The following SV2B variants were observed in gnomAD, a reference collection of about 807,000 sequenced individuals.
SV2B encodes synaptic vesicle glycoprotein 2B.
Under a neutral mutation model 73.9 loss-of-function variants are expected in SV2B, and 41 were observed. That is an observed-to-expected ratio of 0.56 (90% CI 0.43 to 0.72). The LOEUF (loss-of-function observed/expected upper bound fraction) is 0.72, where lower values mean the gene tolerates loss of function less well. Among genes scored for constraint, SV2B ranks in the 30% least tolerant of loss-of-function variants. The pLI is 0.00. For missense variants in SV2B, 764 were observed against 857.8 expected, an observed-to-expected ratio of 0.89 and a Z score of 1.37; for synonymous variants, 314 against 314.2, an observed-to-expected ratio of 1.00 and a Z score of 0.01.
intron 9 of SV2B, among the ~76,000 whole-genome samples, chr15:91,278,287 G>A (rs899851813): frequency 3.3e-5 from 5 of 152,056 alleles, no homozygotes; most frequent in African/African-American, 1.2e-4. Flanking sequence ...GAGAGGAGAA[G>A]AAAATTGTTT....
rs2049223763 is a variant in SV2B at position 91,296,365 on chromosome 15, GGTTT to G, written c.*3818_*3821del. 1 of 152,258 alleles carries G rather than the reference GGTTT, an allele frequency of 6.6e-6. No individual in the cohort carries two copies. The highest frequency in any genetic ancestry group is 1.9e-4 in the East Asian group (1 of 5,196). 9.4% of individuals were successfully genotyped at this position (152,258 alleles called of 1,614,324 possible). A position where few individuals can be genotyped will look rare whatever the true frequency, so the allele number is the denominator to read the frequency against. ...TATAATAAGTTTATAGTAAGTTAAA[GGTTT>G]GTTTTACTCTCATGTGAAGGGAATC... On this transcript the variant is annotated 3_prime_UTR_variant, in exon 13 of 13. Coordinates refer to ENST00000394232, the MANE Select transcript of SV2B (RefSeq NM_001323032.3).
rs2046391022 is a variant in SV2B at position 91,226,611 on chromosome 15, T to C, written c.348T>C (p.Gly116=). Residue 116 remains glycine, a synonymous_variant, in exon 2 of 13, where the codon GGT becomes GGC. Coordinates refer to ENST00000394232, the MANE Select transcript of SV2B (RefSeq NM_001323032.3). ...AGTGGATCCTCTTTTTCGTCTTGGGTTTGGCCCTGATGGCCGATGGGGTGG... is the reference window on the plus strand; with the variant it reads ...AGTGGATCCTCTTTTTCGTCTTGGGCTTGGCCCTGATGGCCGATGGGGTGG... ...RFQWILFFVL[G]LALMADGVEV... 6.2e-7 allele frequency: 1 copy of C among 1,614,054 alleles called. No homozygotes were observed. The highest frequency in any genetic ancestry group is 1.3e-5 in the African/African-American group (1 of 74,930).
chr15:91,246,065 C>CAAA (rs5814471), intron 2 of SV2B, among the ~76,000 whole-genome samples: 1 of 127,702 alleles, frequency 7.8e-6, no homozygotes, highest in Non-Finnish European at 1.7e-5. Context: ...TATGAGTTAG[C>CAAA]AAAAAAAAAA....
rs1445544495 is a variant in SV2B at position 91,251,849 on chromosome 15, G to T, written c.482G>T (p.Gly161Val). The T allele has an allele frequency of 6.2e-7, 1 of 1,614,138 alleles. No homozygotes were observed. The highest frequency in any genetic ancestry group is 1.7e-5 in the Admixed American group (1 of 60,026). Residue 161 changes from glycine (G) to valine (V), a missense_variant, in exon 3 of 13, where the codon GGC (glycine) becomes GTC (valine). Physicochemically the swap from Gly to Val is moderately radical, Grantham distance 109. Transcript: ENST00000394232. ...ATAGTCTACTTGGGAATGATGGCGG[G>T]CGCCTTCATCCTGGGAGGCCTGGCT... ...GMIVYLGMMAGAFILGGLADK... is the reference protein window; with the variant it reads ...GMIVYLGMMAVAFILGGLADK...
intron 1 of SV2B, among the ~76,000 whole-genome samples, chr15:91,119,533 A>G (rs1226741298): frequency 6.6e-6 from 1 of 152,222 alleles, no homozygotes; most frequent in East Asian, 1.9e-4. Context: ...GTGAATATTC[A>G]AGTTTCCAGC....
rs1265488609 is a variant in SV2B, at chr15:91,284,245, C to T, written c.1708+24C>T. 1 of 1,613,352 alleles carries T rather than the reference C, an allele frequency of 6.2e-7. No homozygotes were observed. On this transcript the variant is annotated intron_variant, in intron 11 of 12. Transcript: ENST00000394232. The surrounding 1 kb of genome is among the most constrained non-coding windows in gnomAD (Gnocchi z 4.5). Reference sequence around the variant, plus strand: ...TGGTGAGTTGCCAGCAGGGTCATTCCTGGGTTCCAACGCGCTGGGGTGGTG... The same window carrying T: ...TGGTGAGTTGCCAGCAGGGTCATTCTTGGGTTCCAACGCGCTGGGGTGGTG...
intron 12 of SV2B, among the ~76,000 whole-genome samples, chr15:91,291,275 G>C (rs192422077): frequency 5.4e-4 from 81 of 151,028 alleles, no homozygotes; most frequent in African/African-American, 1.9e-3. Flanking sequence ...ATTTAAAAAA[G>C]GACATATGTT....
Position 91,141,490 on chromosome 15 carries a change from C to A in SV2B, c.-392+41127C>A, listed in dbSNP as rs963322551. Among the ~76,000 whole-genome samples, 1 of 152,158 alleles carries A rather than the reference C, an allele frequency of 6.6e-6. No individual in the cohort carries two copies. Among genetic ancestry groups the A allele is most frequent in the Non-Finnish European group, 1.5e-5 (1 of 68,024 alleles). ...TGGAGAGAGGTTCCGCTTTGAGGGC[C>A]AGCTCTGCCACTTACCATCTGTGAG... On this transcript the variant is annotated intron_variant, in intron 1 of 12. Transcript: ENST00000394232. This position sits in a 1 kb window ranked among gnomAD's most constrained non-coding sequence, Gnocchi z 4.6.
rs747582638 is a variant in SV2B, at chr15:91,136,434, G to A, written c.-392+36071G>A. Among the ~76,000 whole-genome samples the A allele has an allele frequency of 3.3e-5, 5 of 152,172 alleles. No individual in the cohort carries two copies. Among genetic ancestry groups the A allele is most frequent in the African/African-American group, 9.7e-5 (4 of 41,450 alleles). The stretch of plus-strand genomic sequence containing the variant: ...TCGGAGAGAGAACCTTTATTTACCC[G>A]TGCCCATCCAGCTAGTGGAGAACCA... On this transcript the variant is annotated intron_variant, in intron 1 of 12. Coordinates refer to ENST00000394232, the MANE Select transcript of SV2B (RefSeq NM_001323032.3). The surrounding 1 kb of genome is among the most constrained non-coding windows in gnomAD (Gnocchi z 5.6).
intron 6 of SV2B, among the ~76,000 whole-genome samples, chr15:91,264,068 T>G (rs2048019603): frequency 6.6e-6 from 1 of 152,270 alleles, no homozygotes; most frequent in African/African-American, 2.4e-5. Context: ...TCTGCCTGTC[T>G]GCCCTTGCCT....
rs541778615 is a variant in SV2B at position 91,214,590 on chromosome 15, T to C, written c.-391-11283T>C. Among the ~76,000 whole-genome samples, 6 of 152,348 alleles carry C rather than the reference T, an allele frequency of 3.9e-5. No individual in the cohort carries two copies. In the East Asian group the frequency reaches 1.2e-3, roughly 29 times the overall value. On this transcript the variant is annotated intron_variant, in intron 1 of 12. Coordinates refer to ENST00000394232, the MANE Select transcript of SV2B (RefSeq NM_001323032.3). This position sits in a 1 kb window ranked among gnomAD's most constrained non-coding sequence, Gnocchi z 4.7. Reference sequence around the variant, plus strand: ...CAGAACTTGCGAATGGCAGAGCTGGTATCTGTAAAGAAATGCAGTGGGCAA... The same window carrying C: ...CAGAACTTGCGAATGGCAGAGCTGGCATCTGTAAAGAAATGCAGTGGGCAA...
chr15:91,284,031 G>A lies in SV2B; in HGVS notation c.1518G>A (p.Glu506=). The A allele has an allele frequency of 1.2e-6, 2 of 1,614,124 alleles. No homozygotes were observed. Among genetic ancestry groups the A allele is most frequent in the Non-Finnish European group, 1.7e-6 (2 of 1,180,026 alleles). Residue 506 remains glutamate, a synonymous_variant, in exon 11 of 13, where the codon GAG becomes GAA. Transcript: ENST00000394232. The surrounding 1 kb of genome is among the most constrained non-coding windows in gnomAD (Gnocchi z 4.5). ...STIFYNTDLY[E]HKFINCRFIN... Reference sequence around the variant, plus strand: ...TCCTTCTCTCCCCAGACCTCTACGAGCACAAGTTCATCAACTGTCGGTTTA... The same window carrying A: ...TCCTTCTCTCCCCAGACCTCTACGAACACAAGTTCATCAACTGTCGGTTTA...
chr15:91,268,724 G>C lies in SV2B; in HGVS notation c.1373+119G>C. 7.5e-7 allele frequency: 1 copy of C among 1,330,878 alleles called. No individual in the cohort carries two copies. Among genetic ancestry groups the C allele is most frequent in the Non-Finnish European group, 1.0e-6 (1 of 984,510 alleles). 82.4% of individuals were successfully genotyped at this position (1,330,878 alleles called of 1,614,324 possible). A position where few individuals can be genotyped will look rare whatever the true frequency, so the allele number is the denominator to read the frequency against. On this transcript the variant is annotated intron_variant, in intron 9 of 12. Transcript: ENST00000394232. The surrounding 1 kb of genome is among the most constrained non-coding windows in gnomAD (Gnocchi z 4.4). ...TGGCCGGGAATGAGCGCCAAGGCTG[G>C]TGTCATCATCACAACCTGTCATGGC...
At chr15:91,199,636 C>T (rs539079690) in intron 1 of SV2B, among the ~76,000 whole-genome samples, 3 of 152,284 alleles carry the variant, frequency 2.0e-5, no homozygotes, top group South Asian at 2.1e-4. Flanking sequence ...GGCCTGTCGC[C>T]GTTGAAGCAG....
At chr15:91,170,807 A>G (rs570647066) in intron 1 of SV2B, among the ~76,000 whole-genome samples, 1 of 152,308 alleles carries the variant, frequency 6.6e-6, no homozygotes, top group Admixed American at 6.5e-5. Flanking sequence ...CTAATGGAAT[A>G]ATAAAGCTTT....
chr15:91,120,669 C>G (rs1254679038), intron 1 of SV2B, among the ~76,000 whole-genome samples: 1 of 151,848 alleles, frequency 6.6e-6, no homozygotes, highest in Non-Finnish European at 1.5e-5. Context: ...CAAAAATTAG[C>G]CAGGTGTGGT....
chr15:91,266,430 A>T (rs2048103601), intron 6 of SV2B, 152 bp from the exon 7 acceptor site: 1 of 581,030 alleles, frequency 1.7e-6, no homozygotes, highest in African/African-American at 1.9e-5. Flanking sequence ...GAGGTGATGG[A>T]AACAGTTTTT....
Position 91,124,009 on chromosome 15 carries a change from TCA to T in SV2B, c.-392+23649_-392+23650del, listed in dbSNP as rs1260462731. Reference sequence around the variant, plus strand: ...AATATTCAGCTTGCAAGCTGCTAGTTCACAGACAGGCTTGAAATCCCTCAGAA... The same window carrying T: ...AATATTCAGCTTGCAAGCTGCTAGTTCAGACAGGCTTGAAATCCCTCAGAA... On this transcript the variant is annotated intron_variant, in intron 1 of 12. Coordinates refer to ENST00000394232, the MANE Select transcript of SV2B (RefSeq NM_001323032.3). This position sits in a 1 kb window ranked among gnomAD's most constrained non-coding sequence, Gnocchi z 4.6. 6.6e-6 allele frequency among the ~76,000 whole-genome samples: 1 copy of T among 152,178 alleles called. No individual in the cohort carries two copies. The highest frequency in any genetic ancestry group is 6.5e-5 in the Admixed American group (1 of 15,286).
intron 1 of SV2B, among the ~76,000 whole-genome samples, chr15:91,185,112 C>T (rs1020820427): frequency 6.6e-6 from 1 of 152,152 alleles, no homozygotes; most frequent in African/African-American, 2.4e-5. Flanking sequence ...TGTTTTGTTG[C>T]TCAGGCTGGA....
Sources: gnomAD v4.1 joint callset for allele counts (sites outside exome capture counted in the v4.1 genomes callset) on GRCh38, gnomAD v4.1.1 for gene constraint, Gnocchi (gnomAD v3.1) non-coding constraint, MANE v1.5 for transcripts, NCBI Gene and HGNC (gene_info 2026-07-23, HGNC 2026-07-21) for gene names.